NCAM2: variants seen among roughly 807,000 people sequenced by gnomAD.
The protein encoded by NCAM2 is N-CAM-2.
NCAM2 carries 30 observed loss-of-function variants against 98.1 expected under a neutral mutation model. The ratio of observed to expected loss-of-function variants is 0.31; its 90% CI spans 0.23 to 0.41. The LOEUF is 0.41. NCAM2 is among the 10% of genes least tolerant of loss of function. The probability of loss-of-function intolerance (pLI) is 1.00; values close to 1 mark genes in which losing one functional copy is unlikely to be tolerated. For missense variants in NCAM2, 867 were observed against 1,005.8 expected, an observed-to-expected ratio of 0.86 and a Z score of 1.87; for synonymous variants, 368 against 342.4, an observed-to-expected ratio of 1.07 and a Z score of -0.83.
At chr21:21,113,193 G>T (rs909039634) in intron 1 of NCAM2, among the ~76,000 whole-genome samples, 1 of 152,152 alleles carries the variant, frequency 6.6e-6, no homozygotes, top group Non-Finnish European at 1.5e-5. Context: ...CACACAGTAG[G>T]TGCGATTTTT....
At chr21:21,488,110 A>G (rs1206494649) in intron 15 of NCAM2, among the ~76,000 whole-genome samples, 1 of 152,058 alleles carries the variant, frequency 6.6e-6, no homozygotes, top group African/African-American at 2.4e-5. Context: ...TATATATGCA[A>G]TTTTCACTTA....
chr21:21,201,646 C>G (rs1431852633), intron 1 of NCAM2, among the ~76,000 whole-genome samples: 1 of 152,076 alleles, frequency 6.6e-6, no homozygotes, highest in Non-Finnish European at 1.5e-5. Flanking sequence ...TAGTTCAACC[C>G]CAGTTTTTGT....
chr21:21,173,699 C>A (rs1426626234), intron 1 of NCAM2, among the ~76,000 whole-genome samples: 1 of 152,106 alleles, frequency 6.6e-6, no homozygotes, highest in Non-Finnish European at 1.5e-5. Context: ...TGTATTAAAT[C>A]CTGAATCATC....
At chr21:21,411,112 G>GTGTA (rs1448198783) in intron 10 of NCAM2, among the ~76,000 whole-genome samples, 3 of 28,206 alleles carry the variant, frequency 1.1e-4, no homozygotes, top group Non-Finnish European at 2.2e-4. Flanking sequence ...ACATATATAT[G>GTGTA]TATATATATA....
intron 12 of NCAM2, among the ~76,000 whole-genome samples, chr21:21,436,769 C>CT (rs199997405): frequency 0.15 from 21,181 of 137,938 alleles, 1,615 homozygotes; most frequent in South Asian, 0.19. Flanking sequence ...CTTTTTTTTT[C>CT]TTTTTTTTTT....
chr21:21,054,122 A>G (rs1167087865), intron 1 of NCAM2, among the ~76,000 whole-genome samples: 2 of 151,954 alleles, frequency 1.3e-5, no homozygotes, highest in African/African-American at 4.8e-5. Context: ...TTATAAAATA[A>G]ACATTATAAA....
rs71195310 is a variant in NCAM2 at position 21,210,967 on chromosome 21, AACACACACACACACACACACACAC to A, written c.56-69578_56-69555del. On this transcript the variant is annotated intron_variant, in intron 1 of 17. Coordinates refer to ENST00000400546, the MANE Select transcript of NCAM2 (RefSeq NM_004540.5). ...CAGGAGTTTACTAATACTCTCCCCA[AACACACACACACACACACACACAC>A]ACACACACACACACACACACACACA... 9.2e-4 allele frequency among the ~76,000 whole-genome samples: 117 copies of A among 127,384 alleles called. 1 individual carries two copies. Among genetic ancestry groups the A allele is most frequent in the African/African-American group, 2.6e-3 (80 of 30,898 alleles). 83.6% of individuals were successfully genotyped at this position (127,384 alleles called of 152,430 possible). A position where few individuals can be genotyped will look rare whatever the true frequency, so the allele number is the denominator to read the frequency against.
intron 1 of NCAM2, among the ~76,000 whole-genome samples, chr21:21,155,891 G>A (rs935641405): frequency 6.6e-6 from 1 of 151,694 alleles, no homozygotes; most frequent in African/African-American, 2.4e-5. Flanking sequence ...AGATACTTTG[G>A]GAAAAACCCC....
At position 21,534,635 on chromosome 21, in the gene NCAM2, C is replaced by T; in HGVS notation, c.2381C>T (p.Thr794Ile). 6.2e-7 allele frequency: 1 copy of T among 1,610,610 alleles called. No homozygotes were observed. Among genetic ancestry groups the T allele is most frequent in the Non-Finnish European group, 8.5e-7 (1 of 1,178,424 alleles). Residue 794 changes from threonine (T) to isoleucine (I), a missense_variant, in exon 17 of 18, where the codon ACC (threonine) becomes ATC (isoleucine). Coordinates refer to ENST00000400546, the MANE Select transcript of NCAM2 (RefSeq NM_004540.5). ...DGSPVNEPNE[T>I]TPLTEPEKLP... ...AGCCCAGTAAATGAGCCAAATGAAA[C>T]CACACCACTGACAGAACCTGAGTAT... is the stretch of plus-strand genomic sequence containing the variant.
chr21:21,306,089 A>C (rs145186800), intron 5 of NCAM2, among the ~76,000 whole-genome samples: 1 of 152,282 alleles, frequency 6.6e-6, no homozygotes, highest in Non-Finnish European at 1.5e-5. Flanking sequence ...ATTTGATTCT[A>C]ATGAGGTCAG....
intron 8 of NCAM2, among the ~76,000 whole-genome samples, chr21:21,342,427 C>G (rs1034546034): frequency 3.3e-5 from 5 of 152,178 alleles, no homozygotes; most frequent in African/African-American, 1.2e-4. Context: ...CAACATGGCT[C>G]ACTTAAGTGG....
chr21:21,520,896 G>A (rs544705618), intron 16 of NCAM2, among the ~76,000 whole-genome samples: 67 of 152,256 alleles, frequency 4.4e-4, no homozygotes, highest in African/African-American at 1.6e-3. Flanking sequence ...TTAGTCATAG[G>A]AGGTCCTATA....
intron 6 of NCAM2, among the ~76,000 whole-genome samples, chr21:21,329,416 G>A (rs534002074): frequency 1.3e-5 from 2 of 152,270 alleles, no homozygotes; most frequent in Admixed American, 6.5e-5. Flanking sequence ...GTTTAGGTGT[G>A]TAATAGGCTA....
At chr21:21,053,149 T>C (rs996404653) in intron 1 of NCAM2, among the ~76,000 whole-genome samples, 1 of 150,764 alleles carries the variant, frequency 6.6e-6, no homozygotes, top group Admixed American at 6.6e-5. Flanking sequence ...AGTATTATGG[T>C]AATAGGCTCA....
chr21:21,453,137 TTATA>T (rs942979499), intron 12 of NCAM2, among the ~76,000 whole-genome samples: 1 of 139,714 alleles, frequency 7.2e-6, no homozygotes, highest in African/African-American at 2.6e-5. Context: ...TATATATAGT[TTATA>T]TATAATGTTT....
intron 9 of NCAM2, among the ~76,000 whole-genome samples, chr21:21,384,293 T>C (rs1288044001): frequency 6.6e-6 from 1 of 151,858 alleles, no homozygotes; most frequent in Admixed American, 6.6e-5. Context: ...ATTTTTTATT[T>C]CTATTGAAAG....
chr21:21,026,414 TTTGGGAGGCCGAGG>T (rs1462036887), intron 1 of NCAM2, among the ~76,000 whole-genome samples: 3 of 152,094 alleles, frequency 2.0e-5, no homozygotes, highest in Admixed American at 6.5e-5. Context: ...ATCCCAGCAC[TTTGGGAGGCCGAGG>T]CGGGTGGATC....
At chr21:21,325,338 T>C (rs1489310082) in intron 6 of NCAM2, among the ~76,000 whole-genome samples, 1 of 152,208 alleles carries the variant, frequency 6.6e-6, no homozygotes. Flanking sequence ...AAAAGTTCTT[T>C]GAAGGACAAC....
intron 1 of NCAM2, among the ~76,000 whole-genome samples, chr21:21,034,706 C>A (rs1449441590): frequency 1.3e-5 from 2 of 152,094 alleles, no homozygotes; most frequent in Non-Finnish European, 2.9e-5. Flanking sequence ...ATGGATAGGG[C>A]TAGAATCTAT....
Sources: gnomAD v4.1 joint callset for allele counts (sites outside exome capture counted in the v4.1 genomes callset) on GRCh38, gnomAD v4.1.1 for gene constraint, MANE v1.5 for transcripts, NCBI Gene and HGNC (gene_info 2026-07-23, HGNC 2026-07-21) for gene names.